The following LRBA variants were observed in gnomAD, a reference collection of about 807,000 sequenced individuals.
The protein encoded by LRBA is lipopolysaccharide-responsive and beige-like anchor protein.
Under a neutral mutation model 330.0 loss-of-function variants are expected in LRBA, and 176 were observed. That is an observed-to-expected ratio of 0.53 (90% CI 0.47 to 0.60). LRBA has a LOEUF of 0.60. Ranked by LOEUF, LRBA falls within the 20% of genes least tolerant of loss-of-function variation. LRBA has a pLI of 0.00. For missense variants in LRBA, 3,259 were observed against 3,444.8 expected, an observed-to-expected ratio of 0.95 and a Z score of 1.35; for synonymous variants, 1,230 against 1,193.0, an observed-to-expected ratio of 1.03 and a Z score of -0.64.
intron 36 of LRBA, among the ~76,000 whole-genome samples, chr4:150,712,656 T>C (rs1786337023): frequency 6.6e-6 from 1 of 152,166 alleles, no homozygotes. Flanking sequence ...AAAAAGTTCC[T>C]GAATATAGCA....
Position 150,285,982 on chromosome 4 carries a change from T to C in LRBA, c.8070A>G (p.Thr2690=). The stretch of plus-strand genomic sequence containing the variant: ...CTAGCTCCGCACACACCGCAGCACA[T>C]GTGACCTCATAGTCATGGCCGGTCA... ...AILTGHDYEV[T]CAAVCAELGL... Residue 2690 remains threonine, a synonymous_variant, in exon 54 of 57, where the codon ACA becomes ACG. Coordinates refer to ENST00000651943, the MANE Select transcript of LRBA (RefSeq NM_001364905.1). 1 of 1,598,640 alleles carries C rather than the reference T, an allele frequency of 6.3e-7. No homozygotes were observed. The highest frequency in any genetic ancestry group is 2.3e-5 in the East Asian group (1 of 44,178).
At chr4:150,732,036 G>T (rs776014385) in intron 36 of LRBA, among the ~76,000 whole-genome samples, 26 of 151,964 alleles carry the variant, frequency 1.7e-4, no homozygotes, top group African/African-American at 2.4e-4. Context: ...TAATTACACT[G>T]AAAATAATTA....
At chr4:150,770,584 TATACACAC>T (rs1025802821) in intron 34 of LRBA, among the ~76,000 whole-genome samples, 5 of 52,410 alleles carry the variant, frequency 9.5e-5, no homozygotes, top group African/African-American at 2.1e-4. Flanking sequence ...TATATATATA[TATACACAC>T]ACACACACAC....
intron 33 of LRBA, 70 bp downstream of exon 33, chr4:150,806,201 T>C: frequency 8.4e-7 from 1 of 1,185,368 alleles, no homozygotes; most frequent in Non-Finnish European, 1.2e-6. Context: ...CCATGTTATT[T>C]CATTATCCAT....
intron 40 of LRBA, among the ~76,000 whole-genome samples, chr4:150,495,381 G>A (rs976736292): frequency 1.1e-4 from 17 of 151,964 alleles, no homozygotes; most frequent in Admixed American, 5.9e-4. Flanking sequence ...AAAACTTAGA[G>A]AAGAAAAAAC....
chr4:150,710,223 T>G (rs1786045025), intron 36 of LRBA, among the ~76,000 whole-genome samples: 1 of 152,044 alleles, frequency 6.6e-6, no homozygotes, highest in East Asian at 1.9e-4. Context: ...GGACAGACAT[T>G]AAGTGTGTAG....
At chr4:150,739,520 C>T (rs1001576294) in intron 35 of LRBA, among the ~76,000 whole-genome samples, 2 of 152,152 alleles carry the variant, frequency 1.3e-5, no homozygotes, top group African/African-American at 4.8e-5. Context: ...TCCTAACCTC[C>T]TGGTATCCAC....
chr4:150,558,008 A>C (rs915359412), intron 40 of LRBA, among the ~76,000 whole-genome samples: 6 of 152,000 alleles, frequency 3.9e-5, no homozygotes, highest in Non-Finnish European at 7.4e-5. Context: ...AGTGATTCTC[A>C]TGTCTCAGCA....
chr4:150,367,436 C>T (rs981546006), intron 47 of LRBA, among the ~76,000 whole-genome samples: 4 of 152,174 alleles, frequency 2.6e-5, no homozygotes, highest in Non-Finnish European at 5.9e-5. Context: ...AGACTTGGGG[C>T]ATTACTGCCT....
intron 2 of LRBA, among the ~76,000 whole-genome samples, chr4:150,972,719 T>C (rs559727460): frequency 6.6e-4 from 101 of 152,354 alleles, no homozygotes; most frequent in Non-Finnish European, 1.3e-3. Context: ...GTCAGCTTCC[T>C]GGCTCTTCAT....
At chr4:150,743,262 G>A (rs1052921410) in intron 35 of LRBA, among the ~76,000 whole-genome samples, 2 of 152,250 alleles carry the variant, frequency 1.3e-5, no homozygotes, top group East Asian at 1.9e-4. Context: ...GAGCCACCGC[G>A]CCTGGCCAGC....
intron 37 of LRBA, among the ~76,000 whole-genome samples, chr4:150,660,493 C>A (rs1203002584): frequency 2.1e-4 from 31 of 149,310 alleles, no homozygotes; most frequent in Non-Finnish European, 3.7e-4. Flanking sequence ...GGGGTCAGCC[C>A]CCCCCGCCCG....
At chr4:150,274,440 A>T (rs1490364135) in intron 56 of LRBA, among the ~76,000 whole-genome samples, 1 of 149,652 alleles carries the variant, frequency 6.7e-6, no homozygotes, top group Non-Finnish European at 1.5e-5. Context: ...CTAGCAGAAG[A>T]CACTAAGATC....
intron 47 of LRBA, among the ~76,000 whole-genome samples, chr4:150,408,453 C>G (rs993996604): frequency 6.6e-6 from 1 of 151,922 alleles, no homozygotes; most frequent in Admixed American, 6.6e-5. Flanking sequence ...TGAATTCCAC[C>G]AAACATTTAA....
intron 37 of LRBA, among the ~76,000 whole-genome samples, chr4:150,638,307 G>T (rs1002602087): frequency 6.6e-6 from 1 of 152,158 alleles, no homozygotes; most frequent in Non-Finnish European, 1.5e-5. Context: ...GATTACAGGC[G>T]TAAGCCACCA....
At chr4:150,385,964 G>A (rs1420391073) in intron 47 of LRBA, among the ~76,000 whole-genome samples, 1 of 152,056 alleles carries the variant, frequency 6.6e-6, no homozygotes, top group Admixed American at 6.5e-5. Context: ...AGGCTGACTC[G>A]GCCTCGTCTA....
chr4:150,676,765 A>G (rs898572406), intron 37 of LRBA, among the ~76,000 whole-genome samples: 1 of 152,314 alleles, frequency 6.6e-6, no homozygotes, highest in Non-Finnish European at 1.5e-5. Flanking sequence ...TTCTGGTTAT[A>G]GCAAAAATTA....
intron 43 of LRBA, among the ~76,000 whole-genome samples, chr4:150,469,206 C>T (rs1244821903): frequency 1.3e-5 from 2 of 152,032 alleles, no homozygotes; most frequent in African/African-American, 4.8e-5. Flanking sequence ...AAACTCAATA[C>T]ACAGTTATTG....
chr4:150,700,861 G>C (rs960010106), intron 36 of LRBA, among the ~76,000 whole-genome samples: 4 of 151,454 alleles, frequency 2.6e-5, no homozygotes, highest in African/African-American at 9.7e-5. Context: ...GGGCTCGAGT[G>C]ATTCTCCCAC....
Sources: allele counts gnomAD v4.1 joint callset (sites outside exome capture counted in the v4.1 genomes callset), GRCh38; gene constraint gnomAD v4.1.1; transcripts MANE v1.5; gene names NCBI Gene and HGNC (gene_info 2026-07-23, HGNC 2026-07-21).